Variants in DNM2 observed in about 807,000 individuals in gnomAD.
DNM2 encodes the protein dynamin-2.
In DNM2, 15 loss-of-function variants were observed where a neutral mutation model predicts 99.0. The ratio of observed to expected loss-of-function variants is 0.15; its 90% CI spans 0.10 to 0.23. DNM2 has a LOEUF of 0.23. Ranked by LOEUF, DNM2 falls within the 10% of genes least tolerant of loss-of-function variation. DNM2 has a pLI of 1.00. For synonymous variants in DNM2, 525 were observed against 481.2 expected, an observed-to-expected ratio of 1.09 and a Z score of -1.19; for missense variants, 742 against 1,189.4, an observed-to-expected ratio of 0.62 and a Z score of 5.53.
intron 3 of DNM2, among the ~76,000 whole-genome samples, chr19:10,774,842 TC>T (rs1451690498): frequency 1.3e-5 from 2 of 151,072 alleles, no homozygotes; most frequent in African/African-American, 4.9e-5. Flanking sequence ...AGTGGTGAGA[TC>T]TTGGCTCACT....
At chr19:10,807,273 G>A (rs2072371249) in intron 13 of DNM2, among the ~76,000 whole-genome samples, 1 of 151,662 alleles carries the variant, frequency 6.6e-6, no homozygotes, top group African/African-American at 2.4e-5. Flanking sequence ...ATGGAGCCTT[G>A]CTCTGTGTCC....
intron 1 of DNM2, among the ~76,000 whole-genome samples, chr19:10,735,616 C>T (rs753536841): frequency 3.3e-5 from 5 of 151,854 alleles, no homozygotes; most frequent in South Asian, 4.2e-4. Flanking sequence ...CGGATTCAAG[C>T]GATTCTCCTG....
chr19:10,766,732 C>T (rs148130063), intron 2 of DNM2, among the ~76,000 whole-genome samples: 207 of 152,240 alleles, frequency 1.4e-3, no homozygotes, highest in African/African-American at 4.8e-3. Flanking sequence ...CAAGTACAAC[C>T]AGTGGGCCCA....
intron 3 of DNM2, among the ~76,000 whole-genome samples, chr19:10,774,626 G>A (rs1302996620): frequency 4.0e-5 from 6 of 151,134 alleles, no homozygotes; most frequent in South Asian, 2.1e-4. Context: ...GGGTTTGTCC[G>A]TGTTGGTCAG....
intron 7 of DNM2, among the ~76,000 whole-genome samples, chr19:10,791,544 C>T (rs965955696): frequency 1.2e-4 from 18 of 150,684 alleles, no homozygotes; most frequent in African/African-American, 4.2e-4. Context: ...CGCGGGACAC[C>T]GACCAGCCGG....
chr19:10,822,181 CTTTTTCTTTTTT>C (rs1200314101), intron 16 of DNM2, among the ~76,000 whole-genome samples: 1 of 150,540 alleles, frequency 6.6e-6, no homozygotes, highest in East Asian at 1.9e-4. Context: ...TTTTCTTTTT[CTTTTTCTTTTTT>C]TTTTTTTTTT....
chr19:10,782,281 G>A (rs1427290265), intron 5 of DNM2, among the ~76,000 whole-genome samples: 3 of 152,210 alleles, frequency 2.0e-5, no homozygotes, highest in East Asian at 3.9e-4. Context: ...CGTTCCACCC[G>A]CCTCGGCCTC....
chr19:10,724,382 T>C (rs971920542), intron 1 of DNM2, among the ~76,000 whole-genome samples: 2 of 152,166 alleles, frequency 1.3e-5, no homozygotes, highest in Admixed American at 6.6e-5. Context: ...TTTCACCATG[T>C]TAGCCAGGAT....
rs770036756 is a variant in DNM2 at position 10,777,120 on chromosome 19, C to T, written c.592C>T (p.Leu198=). 1.2e-6 allele frequency: 2 copies of T among 1,614,076 alleles called. No individual in the cohort carries two copies. Among genetic ancestry groups the T allele is most frequent in the Admixed American group, 1.7e-5 (1 of 59,986 alleles). Residue 198 remains leucine, a splice_region_variant and synonymous_variant, in exon 5 of 21, where the codon CTA becomes TTA. Transcript: ENST00000389253. ...CTCTGACCTCTGGGCTCTTTCAGGC[C>T]TACGGACCATCGGTGTCATCACCAA... ...KLAKEVDPQG[L]RTIGVITKLD...
chr19:10,730,402 G>A (rs1410060551), intron 1 of DNM2, among the ~76,000 whole-genome samples: 1 of 152,142 alleles, frequency 6.6e-6, no homozygotes. Flanking sequence ...CTTGAGCTAG[G>A]GTAGCGGTGG....
intron 1 of DNM2, among the ~76,000 whole-genome samples, chr19:10,758,761 G>C (rs936922555): frequency 6.6e-6 from 1 of 151,890 alleles, no homozygotes; most frequent in Admixed American, 6.6e-5. Context: ...TGGCCAGGCT[G>C]GTCTCAAACT....
intron 1 of DNM2, 99 bp downstream of exon 1, chr19:10,718,502 C>T: frequency 7.9e-7 from 1 of 1,258,106 alleles, no homozygotes. Flanking sequence ...AACTGCGGCG[C>T]TTGCGTGCCC....
At chr19:10,826,980 G>T (rs1158274725) in intron 18 of DNM2, among the ~76,000 whole-genome samples, 1 of 152,036 alleles carries the variant, frequency 6.6e-6, no homozygotes, top group African/African-American at 2.4e-5. Flanking sequence ...GCTGGGCATG[G>T]TGGCTCACAT....
rs931884110 is a variant in DNM2 at position 10,798,391 on chromosome 19, C to T, written c.1336-95C>T. On this transcript the variant is annotated intron_variant, in intron 10 of 20. Transcript: ENST00000389253. ...TCGGTGGGCCCCCTCATATCTCATT[C>T]CCCACCCCCCTCCGCATTTTCTACC... 16 of 709,168 alleles carry T rather than the reference C, an allele frequency of 2.3e-5. No homozygotes were observed. The African/African-American group carries it at 3.2e-4, about 14-fold the overall frequency. The allele number at this position is 709,168 out of a possible 1,614,324, so 43.9% of individuals were successfully genotyped here.
intron 17 of DNM2, chr19:10,824,196 G>C: frequency 2.3e-6 from 1 of 431,684 alleles, no homozygotes; most frequent in Non-Finnish European, 4.3e-6. Context: ...GCCACCCTTG[G>C]CCCCAATATT....
chr19:10,720,302 T>TC (rs2068897895), intron 1 of DNM2, among the ~76,000 whole-genome samples: 1 of 151,494 alleles, frequency 6.6e-6, no homozygotes, highest in African/African-American at 2.4e-5. Flanking sequence ...AACCTCTGCC[T>TC]CCCAGGTTCA....
In DNM2 at chr19:10,722,493, C is replaced by T. The variant is rs148202878; in HGVS notation, c.161+4090C>T. On this transcript the variant is annotated intron_variant, in intron 1 of 20. Transcript: ENST00000389253. ...CCGAGTAGCTGGGACTGCAGGCACC[C>T]GCCACCACGCCTGGCTAATTTTTGT... 6.5e-3 allele frequency among the ~76,000 whole-genome samples: 979 copies of T among 151,176 alleles called. 8 individuals carry two copies. Among genetic ancestry groups the T allele is most frequent in the African/African-American group, 0.021 (867 of 41,184 alleles).
intron 11 of DNM2, 121 bp from the exon 12 acceptor site, chr19:10,802,167 T>A: frequency 9.9e-7 from 1 of 1,014,806 alleles, no homozygotes; most frequent in Non-Finnish European, 1.5e-6. Context: ...CCTGTTCTCC[T>A]GTCTGGGAAG....
At chr19:10,768,224 C>A (rs1282521728) in intron 2 of DNM2, among the ~76,000 whole-genome samples, 1 of 151,974 alleles carries the variant, frequency 6.6e-6, no homozygotes, top group Non-Finnish European at 1.5e-5. Context: ...GAGGCCGAGG[C>A]GGGTAGATCA....
Sources: gnomAD v4.1 joint callset for allele counts (sites outside exome capture counted in the v4.1 genomes callset) on GRCh38, gnomAD v4.1.1 for gene constraint, MANE v1.5 for transcripts, NCBI Gene and HGNC (gene_info 2026-07-23, HGNC 2026-07-21) for gene names.